Variants in RXRG observed in about 807,000 individuals in gnomAD.
RXRG encodes retinoid X receptor gamma.
A neutral mutation model predicts 49.2 loss-of-function variants in RXRG; 19 were observed. That is an observed-to-expected ratio of 0.39 (90% CI 0.27 to 0.57). The LOEUF is 0.57. Ranked by LOEUF, RXRG falls within the 20% of genes least tolerant of loss-of-function variation. The pLI, the probability that RXRG is intolerant of heterozygous loss-of-function variation, is 0.64. For synonymous variants in RXRG, 224 were observed against 216.6 expected (o/e 1.03, Z -0.30); for missense variants, 452 against 592.5 (o/e 0.76, Z 2.46).
intron 1 of RXRG, among the ~76,000 whole-genome samples, chr1:165,440,163 G>C (rs1359287485): frequency 6.6e-6 from 1 of 152,240 alleles, no homozygotes; most frequent in Non-Finnish European, 1.5e-5. Flanking sequence ...GTACAGTATA[G>C]TACATGGTAG....
chr1:165,440,017 GT>G (rs1256575075), intron 1 of RXRG, among the ~76,000 whole-genome samples: 1 of 152,210 alleles, frequency 6.6e-6, no homozygotes, highest in African/African-American at 2.4e-5. Flanking sequence ...GGGTTGAATT[GT>G]GAAGAGATAG....
At chr1:165,401,544 T>C in intron 9 of RXRG, 134 bp from the exon 10 acceptor site, 2 of 919,190 alleles carry the variant, frequency 2.2e-6, no homozygotes. Context: ...GACAAGGGGG[T>C]CACAGAATCT....
At position 165,428,821 on chromosome 1, in the gene RXRG, G is replaced by A. The variant is rs1242735751; in HGVS notation, c.195C>T (p.Ala65=). 3 of 1,614,150 alleles carry A rather than the reference G, an allele frequency of 1.9e-6. No homozygotes were observed. Among genetic ancestry groups the A allele is most frequent in the Non-Finnish European group, 2.5e-6 (3 of 1,180,012 alleles). Residue 65 remains alanine (A), a synonymous_variant, in exon 2 of 10, where the codon GCC becomes GCT. Transcript: ENST00000359842. ...TLSAVGTPLN[A]LGSPYRVITS... is the part of the protein sequence containing the mutation. ...TGATGACTCGATATGGAGAGCCCAGGGCATTGAGGGGGGTCCCCACTGCAC... is the reference window on the plus strand; with the variant it reads ...TGATGACTCGATATGGAGAGCCCAGAGCATTGAGGGGGGTCCCCACTGCAC...
At chr1:165,437,121 GA>G in intron 1 of RXRG, 1 of 1,367,124 alleles carries the variant, frequency 7.3e-7, no homozygotes, top group Non-Finnish European at 9.8e-7. Flanking sequence ...CAGCCTCCTG[GA>G]GGGTTCAGGG....
intron 2 of RXRG, among the ~76,000 whole-genome samples, chr1:165,426,355 G>A (rs75288102): frequency 0.013 from 1,939 of 152,268 alleles, 23 homozygotes; most frequent in Non-Finnish European, 0.02. Flanking sequence ...AGGGAGCAGG[G>A]CAGCTCTCCA....
At chr1:165,417,345 CA>C in intron 3 of RXRG, 125 bp from the exon 4 acceptor site, 1 of 782,406 alleles carries the variant, frequency 1.3e-6, no homozygotes, top group Non-Finnish European at 2.0e-6. Flanking sequence ...GGACAGAAAG[CA>C]AATAATCACT....
At chr1:165,428,989 G>A (rs1419683345) in intron 1 of RXRG, 23 bp from the exon 2 acceptor site, 1 of 1,603,640 alleles carries the variant, frequency 6.2e-7, no homozygotes, top group Non-Finnish European at 8.5e-7. Context: ...GAATATAGAT[G>A]GTGGGAGGTT....
At chr1:165,411,916 G>A (rs1201883141) in intron 4 of RXRG, among the ~76,000 whole-genome samples, 2 of 152,146 alleles carry the variant, frequency 1.3e-5, no homozygotes, top group Admixed American at 6.5e-5. Context: ...CCATCATCTA[G>A]AAGGCTGTAG....
At chr1:165,403,072 C>T (rs1048672995) in intron 9 of RXRG, among the ~76,000 whole-genome samples, 1 of 152,214 alleles carries the variant, frequency 6.6e-6, no homozygotes, top group Non-Finnish European at 1.5e-5. Flanking sequence ...CCCTCACACA[C>T]ATTTTTCTAT....
chr1:165,407,177 T>C (rs1332519778), intron 8 of RXRG, among the ~76,000 whole-genome samples: 1 of 152,228 alleles, frequency 6.6e-6, no homozygotes, highest in Non-Finnish European at 1.5e-5. Context: ...AGCTTAATTT[T>C]ATCCGGACCA....
intron 9 of RXRG, among the ~76,000 whole-genome samples, chr1:165,403,590 G>A (rs1260003130): frequency 6.6e-6 from 1 of 152,206 alleles, no homozygotes; most frequent in Non-Finnish European, 1.5e-5. Flanking sequence ...GCCTCCAGTG[G>A]TAAAGCCCCT....
At chr1:165,416,845 A>G (rs1324782846) in intron 4 of RXRG, among the ~76,000 whole-genome samples, 196 bp downstream of exon 4, 2 of 152,308 alleles carry the variant, frequency 1.3e-5, no homozygotes, top group South Asian at 4.1e-4. Flanking sequence ...GGTACATTCA[A>G]TTGCAATACA....
chr1:165,426,585 G>C (rs1401787071), intron 2 of RXRG, among the ~76,000 whole-genome samples: 1 of 152,178 alleles, frequency 6.6e-6, no homozygotes, highest in African/African-American at 2.4e-5. Context: ...GTGTCTCAGA[G>C]GAGACTCTAG....
At chr1:165,431,747 T>C (rs1181209880) in intron 1 of RXRG, among the ~76,000 whole-genome samples, 1 of 152,166 alleles carries the variant, frequency 6.6e-6, no homozygotes, top group East Asian at 1.9e-4. Context: ...AAGAGTTTGC[T>C]TCACACTCAT....
intron 2 of RXRG, among the ~76,000 whole-genome samples, chr1:165,427,932 C>G (rs1557921916): frequency 1.3e-5 from 2 of 152,250 alleles, no homozygotes; most frequent in Non-Finnish European, 2.9e-5. Context: ...ACTCACCCAC[C>G]ATCTGAAGCA....
chr1:165,406,204 T>C (rs1002179179), intron 9 of RXRG, among the ~76,000 whole-genome samples: 1 of 115,172 alleles, frequency 8.7e-6, no homozygotes, highest in Non-Finnish European at 2.1e-5. Flanking sequence ...ATCTGCTAGA[T>C]GGCCTCAGAG....
At chr1:165,442,511 C>G (rs1007928018) in intron 1 of RXRG, among the ~76,000 whole-genome samples, 2 of 152,188 alleles carry the variant, frequency 1.3e-5, no homozygotes, top group African/African-American at 4.8e-5. Context: ...ATTGTGTTTA[C>G]TTCTATCTGA....
intron 2 of RXRG, among the ~76,000 whole-genome samples, chr1:165,426,324 C>A (rs1008008773): frequency 1.3e-5 from 2 of 152,204 alleles, no homozygotes; most frequent in Admixed American, 6.5e-5. Context: ...CTTTAAAAGT[C>A]TTTGAATTTG....
Position 165,422,089 on chromosome 1 carries a change from C to A in RXRG, c.298-2075G>T, listed in dbSNP as rs61313172. Among the ~76,000 whole-genome samples the A allele has an allele frequency of 3.0e-4, 46 of 152,224 alleles. No individual in the cohort carries two copies. In the East Asian group the frequency reaches 7.7e-3, roughly 26 times the overall value. ...GTCATGGGAATAAGGAAGAAACCAC[C>A]ACCACCTGAGGTTCAAGGGGTCCTC... On this transcript the variant is annotated intron_variant, in intron 2 of 9. Coordinates refer to ENST00000359842, the MANE Select transcript of RXRG (RefSeq NM_006917.5).
Sources: allele counts gnomAD v4.1 joint callset (sites outside exome capture counted in the v4.1 genomes callset), GRCh38; gene constraint gnomAD v4.1.1; transcripts MANE v1.5; gene names NCBI Gene and HGNC (gene_info 2026-07-23, HGNC 2026-07-21).